The following DPP6 variants were observed in gnomAD, a reference collection of about 807,000 sequenced individuals.
DPP6 encodes A-type potassium channel modulatory protein DPP6.
In DPP6, 69 loss-of-function variants were observed where a neutral mutation model predicts 122.6. That is an observed-to-expected ratio of 0.56 (90% confidence interval 0.46 to 0.69). The LOEUF (loss-of-function observed/expected upper bound fraction) is 0.69. Among genes scored for constraint, DPP6 ranks in the 30% least tolerant of loss-of-function variants. DPP6 has a pLI of 0.00. For missense variants in DPP6, 928 were observed against 1,116.9 expected, an observed-to-expected ratio of 0.83 and a Z score of 2.41; for synonymous variants, 418 against 433.1, an observed-to-expected ratio of 0.97 and a Z score of 0.43.
Position 154,093,632 on chromosome 7 carries a change from C to CACACACA in DPP6, c.243+40569_243+40570insACACACA, listed in dbSNP as rs746381906. On this transcript the variant is annotated intron_variant, in intron 1 of 25. Coordinates refer to ENST00000377770, the MANE Select transcript of DPP6 (RefSeq NM_130797.4). ...CACCATACACACACACACACACACA[C>CACACACA]CATACACACACACACACACACACAT... is the stretch of plus-strand genomic sequence containing the variant. The CACACACA allele has an allele frequency of 2.2e-3, 278 of 128,208 alleles. 1 individual carries two copies. The highest frequency in any genetic ancestry group is 7.2e-3 in the African/African-American group (250 of 34,840). The allele number at this position is 128,208 out of a possible 1,614,324, so 7.9% of individuals were successfully genotyped here.
intron 1 of DPP6, among the ~76,000 whole-genome samples, chr7:154,061,591 C>T (rs1332421685): frequency 6.8e-6 from 1 of 146,014 alleles, no homozygotes; most frequent in East Asian, 2.0e-4. Context: ...CCCCTCTTCC[C>T]CCCTGGCTCT....
the DPP6 span, among the ~76,000 whole-genome samples, chr7:153,843,932 T>C: frequency 1.2e-4 from 18 of 152,234 alleles, 1 homozygote; most frequent in Admixed American, 9.8e-4. Context: ...CTAGAAGAGC[T>C]GCGGCAAGAT....
At chr7:153,983,376 T>C (rs892311502) in intron 1 of DPP6, among the ~76,000 whole-genome samples, 8 of 152,182 alleles carry the variant, frequency 5.3e-5, no homozygotes, top group African/African-American at 1.9e-4. Context: ...CAAGCCTCAG[T>C]AATGGCGATC....
intron 3 of DPP6, among the ~76,000 whole-genome samples, chr7:154,514,812 A>G (rs1235619000): frequency 6.6e-6 from 1 of 152,158 alleles, no homozygotes; most frequent in Non-Finnish European, 1.5e-5. Context: ...GATGGCGCCT[A>G]CTTTTTGGCC....
intron 5 of DPP6, among the ~76,000 whole-genome samples, chr7:154,620,361 C>T (rs1834562080): frequency 6.6e-6 from 1 of 152,194 alleles, no homozygotes; most frequent in Admixed American, 6.5e-5. Flanking sequence ...GAATGCCACA[C>T]ATTAAAATGT....
chr7:154,222,454 G>A (rs1271348577), intron 1 of DPP6, among the ~76,000 whole-genome samples: 6 of 150,154 alleles, frequency 4.0e-5, no homozygotes, highest in Non-Finnish European at 7.4e-5. Flanking sequence ...TCAGGAGTTC[G>A]AGACTAGCCT....
chr7:154,203,603 C>T (rs576736370), intron 1 of DPP6, among the ~76,000 whole-genome samples: 10 of 152,096 alleles, frequency 6.6e-5, no homozygotes, highest in Non-Finnish European at 1.2e-4. Context: ...ACCAAGCAAG[C>T]GACATATCCT....
intron 1 of DPP6, among the ~76,000 whole-genome samples, chr7:154,405,445 G>A (rs575755374): frequency 6.6e-6 from 1 of 152,128 alleles, no homozygotes; most frequent in South Asian, 2.1e-4. Context: ...TACTATAAAA[G>A]TATTACATAT....
chr7:154,743,085 C>T (rs961713777), intron 8 of DPP6, among the ~76,000 whole-genome samples: 1 of 152,182 alleles, frequency 6.6e-6, no homozygotes, highest in Non-Finnish European at 1.5e-5. Context: ...TGGGAATTTG[C>T]AGAAATACAG....
At chr7:153,850,321 C>G in the DPP6 span, among the ~76,000 whole-genome samples, 2 of 152,040 alleles carry the variant, frequency 1.3e-5, no homozygotes, top group East Asian at 3.9e-4. Context: ...CTGAGGGGCT[C>G]CATCTCTTAT....
At chr7:154,458,342 T>C (rs887592193) in intron 2 of DPP6, among the ~76,000 whole-genome samples, 8 of 152,202 alleles carry the variant, frequency 5.3e-5, no homozygotes, top group Non-Finnish European at 1.2e-4. Flanking sequence ...CCATGTAAGA[T>C]GTGCCTTTGC....
intron 1 of DPP6, among the ~76,000 whole-genome samples, chr7:154,145,379 C>T (rs1334642340): frequency 6.6e-6 from 1 of 152,098 alleles, no homozygotes; most frequent in Non-Finnish European, 1.5e-5. Flanking sequence ...ACCACAGGGC[C>T]CTGAGTTCTA....
the DPP6 span, among the ~76,000 whole-genome samples, chr7:153,881,510 C>T: frequency 6.6e-6 from 1 of 152,140 alleles, no homozygotes; most frequent in South Asian, 2.1e-4. Context: ...CCTTATTATT[C>T]CAACCCAAAA....
chr7:153,760,521 A>T, the DPP6 span, among the ~76,000 whole-genome samples: 4 of 152,064 alleles, frequency 2.6e-5, no homozygotes, highest in East Asian at 5.8e-4. Context: ...CCTACTTCAG[A>T]GCTATTTTTC....
rs2131485891 is a variant in DPP6 at position 154,755,894 on chromosome 7, C to G, written c.884-13523C>G. Among the ~76,000 whole-genome samples the G allele has an allele frequency of 6.6e-6, 1 of 152,302 alleles. No homozygotes were observed. Among genetic ancestry groups the G allele is most frequent in the South Asian group, 2.1e-4 (1 of 4,822 alleles). On this transcript the variant is annotated intron_variant, in intron 8 of 25. Coordinates refer to ENST00000377770, the MANE Select transcript of DPP6 (RefSeq NM_130797.4). This position sits in a 1 kb window ranked among gnomAD's most constrained non-coding sequence, Gnocchi z 4.7. ...TCTTGGGTCCCCCTTCGTAATGATA[C>G]TGTCCTCACCACGTCTTTTTATTAT...
At chr7:154,772,807 G>T in intron 9 of DPP6, 38 bp from the exon 10 acceptor site, 7 of 1,595,310 alleles carry the variant, frequency 4.4e-6, no homozygotes, top group Non-Finnish European at 5.1e-6. Flanking sequence ...CTTGTATAAG[G>T]CTGCTTGTTC....
chr7:154,803,767 C>T (rs1798521845), intron 13 of DPP6, 97 bp from the exon 14 acceptor site: 5 of 1,486,168 alleles, frequency 3.4e-6, no homozygotes, highest in Middle Eastern at 3.7e-4. Flanking sequence ...GAATGGCAGC[C>T]CCTGTCACCT....
intron 16 of DPP6, among the ~76,000 whole-genome samples, chr7:154,844,934 C>T (rs1475068277): frequency 1.3e-5 from 2 of 152,092 alleles, no homozygotes; most frequent in East Asian, 1.9e-4. Context: ...AATATAATTC[C>T]GATCTTAGAC....
At chr7:154,885,409 G>A in intron 21 of DPP6, 1 of 558,126 alleles carries the variant, frequency 1.8e-6, no homozygotes, top group Non-Finnish European at 3.1e-6. Context: ...TGACACCAAG[G>A]CCCAGAAGCG....
Sources: allele counts gnomAD v4.1 joint callset (sites outside exome capture counted in the v4.1 genomes callset), GRCh38; gene constraint gnomAD v4.1.1; non-coding constraint Gnocchi (gnomAD v3.1); transcripts MANE v1.5; gene names NCBI Gene and HGNC (gene_info 2026-07-23, HGNC 2026-07-21).